The following AGAP4 variants were observed in gnomAD, a reference collection of about 807,000 sequenced individuals.
AGAP4 encodes the protein ArfGAP with GTPase domain, ankyrin repeat and PH domain 4.
AGAP4 carries 13 observed loss-of-function variants against 60.7 expected under a neutral mutation model. The observed-to-expected ratio is 0.21, with a 90% confidence interval of 0.14 to 0.34. AGAP4 has a LOEUF of 0.34. Among genes scored for constraint, AGAP4 ranks in the 10% least tolerant of loss-of-function variants. The pLI, the probability that AGAP4 is intolerant of heterozygous loss-of-function variation, is 1.00. For missense variants in AGAP4, 169 were observed against 884.0 expected, an observed-to-expected ratio of 0.19 and a Z score of 10.26; for synonymous variants, 70 against 339.0, an observed-to-expected ratio of 0.21 and a Z score of 8.72.
Position 45,827,309 on chromosome 10 carries a change from T to C in AGAP4, c.667A>G (p.Ser223Gly). 6.3e-7 allele frequency: 1 copy of C among 1,589,362 alleles called. No homozygotes were observed. The highest frequency in any genetic ancestry group is 1.5e-5 in the African/African-American group (1 of 68,050). Residue 223 changes from serine (S) to glycine (G), a missense_variant, in exon 8 of 8, where the codon AGC becomes GGC. Physicochemically the swap from Ser to Gly is moderately conservative, Grantham distance 56. Coordinates refer to ENST00000616763, the MANE Select transcript of AGAP4 (RefSeq NM_001276343.3). ...NYSSSIPSTP[S>G]TSQEDPQFSV... ...AACTGAGGGTCCTCCTGGCTGGTGC[T>C]GGGAGTCGATGGAATGGAGGAGGAA...
chr10:45,850,801 A>C (rs1490634102), upstream of AGAP4, among the ~76,000 whole-genome samples: 8 of 151,768 alleles, frequency 5.3e-5, no homozygotes, highest in Non-Finnish European at 1.2e-4. Flanking sequence ...GTAGGAAGAG[A>C]AATAGGTAAG....
At chr10:45,839,320 G>C (rs1174045679) in intron 4 of AGAP4, among the ~76,000 whole-genome samples, 10 of 122,346 alleles carry the variant, frequency 8.2e-5, no homozygotes, top group African/African-American at 2.7e-4. Context: ...TGGAAAGTAG[G>C]GTAAAATGTG....
intron 2 of AGAP4, among the ~76,000 whole-genome samples, chr10:45,844,792 T>C (rs1336681693): frequency 2.0e-5 from 3 of 147,262 alleles, no homozygotes; most frequent in South Asian, 2.3e-4. Context: ...AAATATAAGA[T>C]GTATTCTAGA....
Position 45,847,322 on chromosome 10 carries a change from A to G in AGAP4, c.26T>C (p.Val9Ala), listed in dbSNP as rs1210760244. 3.8e-6 allele frequency: 6 copies of G among 1,596,460 alleles called. No individual in the cohort carries two copies. The African/African-American group carries it at 8.0e-5, about 21-fold the overall frequency. The change falls in exon 1 of 8, where the codon GTG becomes GCG. Residue 9 changes from valine (V) to alanine (A), a missense_variant. Physicochemically the swap from Val to Ala is moderately conservative, Grantham distance 64. Transcript: ENST00000616763. MGNILTCR[V>A]HPSVSLEFDQ... ...AAACTCGAGGCTGACGCTAGGGTGCACACGACAGGTCAGTATGTTCCCCAT... is the reference window on the plus strand; with the variant it reads ...AAACTCGAGGCTGACGCTAGGGTGCGCACGACAGGTCAGTATGTTCCCCAT...
rs1554896285 is a variant in AGAP4, at chr10:45,826,505, T to C, written c.1471A>G (p.Ser491Gly). The change falls in exon 8 of 8, where the codon AGT becomes GGT. Residue 491 changes from serine (S) to glycine (G), a missense_variant. Physicochemically the swap from Ser to Gly is moderately conservative, Grantham distance 56. Transcript: ENST00000616763. ...CACATGAGGACTCCCAAGTTCAAAC[T>C]GGCCCACTTAGGATTCTGGGTCTCA... ...DCETQNPKWA[S>G]LNLGVLMCIE... 6.2e-7 allele frequency: 1 copy of C among 1,600,910 alleles called. No individual in the cohort carries two copies. The highest frequency in any genetic ancestry group is 1.7e-5 in the Admixed American group (1 of 59,038).
rs1477310996 is a variant in AGAP4, at chr10:45,844,199, A to C, written c.361+127T>G. ...AGGAAAGTATATCACATATTAAAATAAGACAAGGGAACATGTGAAAAGATG... is the reference window on the plus strand; with the variant it reads ...AGGAAAGTATATCACATATTAAAATCAGACAAGGGAACATGTGAAAAGATG... On this transcript the variant is annotated intron_variant, in intron 3 of 7. Coordinates refer to ENST00000616763, the MANE Select transcript of AGAP4 (RefSeq NM_001276343.3). 10 of 805,456 alleles carry C rather than the reference A, an allele frequency of 1.2e-5. No homozygotes were observed. The Admixed American group carries it at 1.9e-4, about 16-fold the overall frequency. 49.9% of individuals were successfully genotyped at this position (805,456 alleles called of 1,614,324 possible).
intron 4 of AGAP4, among the ~76,000 whole-genome samples, chr10:45,836,165 C>G (rs1294432098): frequency 1.3e-5 from 2 of 148,824 alleles, no homozygotes; most frequent in Non-Finnish European, 3.0e-5. Flanking sequence ...ATTAAAAATA[C>G]TAAAGTTGTT....
upstream of AGAP4, chr10:45,853,925 G>A (rs1385516595): frequency 3.9e-5 from 46 of 1,180,186 alleles, 2 homozygotes; most frequent in African/African-American, 2.9e-4. Context: ...TTGTTATCAC[G>A]TAAGTTCATT....
Position 45,831,389 on chromosome 10 carries a change from C to G in AGAP4, c.533+5G>C. On this transcript the variant is annotated splice_donor_5th_base_variant and intron_variant, in intron 6 of 7. Coordinates refer to ENST00000616763, the MANE Select transcript of AGAP4 (RefSeq NM_001276343.3). ...AATAACAAGACAGGTTTCTAAAAAG[C>G]TCACCTTTGTGTGATATGATGAGGT... is the stretch of plus-strand genomic sequence containing the variant. 1.3e-6 allele frequency: 2 copies of G among 1,585,486 alleles called. No homozygotes were observed. Among genetic ancestry groups the G allele is most frequent in the African/African-American group, 2.7e-5 (2 of 73,592 alleles).
In AGAP4 at chr10:45,826,891, C is replaced by G. The variant is rs373115594; in HGVS notation, c.1085G>C (p.Gly362Ala). 3.2e-6 allele frequency: 4 copies of G among 1,267,620 alleles called. 1 individual carries two copies. The highest frequency in any genetic ancestry group is 4.3e-6 in the Non-Finnish European group (4 of 920,056). The allele number at this position is 1,267,620 out of a possible 1,614,324, so 78.5% of individuals were successfully genotyped here. ...CCCGGTGTCCATGTCCTTGGATAGG[C>G]CATTGCTTTTAGAGGTGGAGATGGG... ...CTPISTSKSN[G>A]LSKDMDTGLG... The change falls in exon 8 of 8, where the codon GGC (glycine) becomes GCC (alanine). Residue 362 changes from glycine to alanine, a missense_variant. Coordinates refer to ENST00000616763, the MANE Select transcript of AGAP4 (RefSeq NM_001276343.3).
exon 1 of AGAP4, chr10:45,853,738 C>G (rs2059110455): frequency 2.3e-6 from 3 of 1,287,986 alleles, no homozygotes; most frequent in South Asian, 1.2e-5. Flanking sequence ...CAGCAGCCAA[C>G]AGGTCTGGAG....
upstream of AGAP4, among the ~76,000 whole-genome samples, chr10:45,852,121 G>C (rs200722673): frequency 0.043 from 6,376 of 149,496 alleles, 195 homozygotes; most frequent in Admixed American, 0.09. Context: ...AACGTGTTAG[G>C]CAGGATGGTC....
chr10:45,842,410 TG>T (rs1346220673), intron 3 of AGAP4, among the ~76,000 whole-genome samples: 3 of 150,058 alleles, frequency 2.0e-5, no homozygotes, highest in African/African-American at 7.4e-5. Context: ...CCTAGCTAAT[TG>T]TTTTTTGTAT....
upstream of AGAP4, among the ~76,000 whole-genome samples, chr10:45,848,467 T>G (rs1363013234): frequency 6.7e-6 from 1 of 148,814 alleles, no homozygotes; most frequent in Non-Finnish European, 1.5e-5. Context: ...TCAATAAAGA[T>G]GAATACTCGA....
chr10:45,844,330 T>C lies in AGAP4; in HGVS notation c.357A>G (p.Thr119=). The C allele has an allele frequency of 6.3e-7, 1 of 1,594,634 alleles. No individual in the cohort carries two copies. Among genetic ancestry groups the C allele is most frequent in the Non-Finnish European group, 8.5e-7 (1 of 1,179,666 alleles). ...GAAAAAACAATGTCGTCTCACCATC[T>C]GTTTGAGAGTTCCTCTGGAATATTG... ...ASTIFQRNSQ[T]DVVEIRRSNC... is the part of the protein sequence containing the mutation. The change falls in exon 3 of 8, where the codon ACA becomes ACG. Residue 119 remains threonine (T), a synonymous_variant. Transcript: ENST00000616763.
At chr10:45,839,985 T>A (rs2058890992) in intron 4 of AGAP4, among the ~76,000 whole-genome samples, 1 of 149,958 alleles carries the variant, frequency 6.7e-6, no homozygotes, top group African/African-American at 2.5e-5. Context: ...GGCGTACTGG[T>A]CTAAGCAGCC....
chr10:45,850,118 G>A (rs1302204026), upstream of AGAP4, among the ~76,000 whole-genome samples: 27 of 151,924 alleles, frequency 1.8e-4, no homozygotes, highest in African/African-American at 6.0e-4. Context: ...TAGTAGAGAT[G>A]GGGTTTCACC....
chr10:45,829,947 A>G (rs2058704818), intron 6 of AGAP4, among the ~76,000 whole-genome samples: 1 of 148,392 alleles, frequency 6.7e-6, no homozygotes, highest in Non-Finnish European at 1.5e-5. Flanking sequence ...GCATGATATT[A>G]TAAATGCAAG....
chr10:45,848,083 T>C (rs1227868750), upstream of AGAP4: 12 of 990,062 alleles, frequency 1.2e-5, 2 homozygotes, highest in East Asian at 2.3e-4. Flanking sequence ...TAAATATAGA[T>C]ACACCTGAAT....
Sources: allele counts gnomAD v4.1 joint callset (sites outside exome capture counted in the v4.1 genomes callset), GRCh38; gene constraint gnomAD v4.1.1; transcripts MANE v1.5; gene names NCBI Gene and HGNC (gene_info 2026-07-23, HGNC 2026-07-21).